The following DLC1 variants were observed in gnomAD, a reference collection of about 807,000 sequenced individuals.
The protein encoded by DLC1 is rho GTPase-activating protein 7.
A neutral mutation model predicts 140.3 loss-of-function variants in DLC1; 54 were observed. The ratio of observed to expected loss-of-function variants is 0.38; its 90% CI spans 0.31 to 0.48. The LOEUF is 0.48. Among genes scored for constraint, DLC1 ranks in the 20% least tolerant of loss-of-function variants. The pLI is 0.96. For missense variants in DLC1, 2,536 were observed against 1,907.0 expected, an observed-to-expected ratio of 1.33 and a Z score of -6.14; for synonymous variants, 986 against 728.1, an observed-to-expected ratio of 1.35 and a Z score of -5.70.
chr8:13,469,668 G>A (rs974022640), intron 2 of DLC1, among the ~76,000 whole-genome samples: 1 of 152,118 alleles, frequency 6.6e-6, no homozygotes, highest in Non-Finnish European at 1.5e-5. Context: ...TGAAGGTTAA[G>A]ATAAGCATAA....
intron 1 of DLC1, among the ~76,000 whole-genome samples, chr8:13,577,729 A>G (rs754655015): frequency 6.6e-6 from 1 of 152,108 alleles, no homozygotes; most frequent in African/African-American, 2.4e-5. Flanking sequence ...CCTCCTTGGT[A>G]TCTAGGATTT....
intron 5 of DLC1, among the ~76,000 whole-genome samples, chr8:13,212,163 A>G (rs990377308): frequency 2.6e-5 from 4 of 152,342 alleles, no homozygotes; most frequent in Middle Eastern, 3.4e-3. Context: ...TATTAAGTTT[A>G]TATTACAGAG....
intron 5 of DLC1, among the ~76,000 whole-genome samples, chr8:13,145,289 CAAAG>C (rs1563682240): frequency 6.6e-6 from 1 of 151,924 alleles, no homozygotes; most frequent in African/African-American, 2.4e-5. Context: ...AAAAGCAAAA[CAAAG>C]AATTTAAAAA....
chr8:13,490,375 T>G (rs1276257699), intron 2 of DLC1, among the ~76,000 whole-genome samples: 1 of 152,216 alleles, frequency 6.6e-6, no homozygotes, highest in East Asian at 1.9e-4. Flanking sequence ...GAGGTTATCT[T>G]TAAAATAGCA....
chr8:13,333,506 C>G (rs1045778607), intron 4 of DLC1, among the ~76,000 whole-genome samples: 10 of 152,116 alleles, frequency 6.6e-5, no homozygotes, highest in African/African-American at 2.4e-4. Context: ...GTTTTAGACT[C>G]CCAATATGTG....
At chr8:13,427,757 T>C (rs952122947) in intron 2 of DLC1, among the ~76,000 whole-genome samples, 1 of 152,208 alleles carries the variant, frequency 6.6e-6, no homozygotes, top group African/African-American at 2.4e-5. Flanking sequence ...GTGAGGTCCT[T>C]GAGATTAAAA....
At chr8:13,590,897 G>C (rs186559043) in intron 1 of DLC1, among the ~76,000 whole-genome samples, 2 of 152,144 alleles carry the variant, frequency 1.3e-5, no homozygotes, top group African/African-American at 4.8e-5. Context: ...TTTTCTAAAA[G>C]CGATACTCTC....
chr8:13,577,448 C>G (rs973551097), intron 1 of DLC1, among the ~76,000 whole-genome samples: 1 of 152,028 alleles, frequency 6.6e-6, no homozygotes, highest in African/African-American at 2.4e-5. Flanking sequence ...TGAGGCAGTT[C>G]TCTTTTATGT....
chr8:13,406,008 T>TC (rs2117273583), intron 2 of DLC1, among the ~76,000 whole-genome samples: 1 of 141,104 alleles, frequency 7.1e-6, no homozygotes, highest in Non-Finnish European at 1.5e-5. Flanking sequence ...TTATTCTTCT[T>TC]CTTTTTTTTT....
chr8:13,434,191 T>C (rs183531111), intron 2 of DLC1, among the ~76,000 whole-genome samples: 2 of 152,298 alleles, frequency 1.3e-5, no homozygotes, highest in Admixed American at 1.3e-4. Context: ...TCATGGTTTG[T>C]TGGCAATAGA....
At chr8:13,581,688 A>G (rs1434471604) in intron 1 of DLC1, among the ~76,000 whole-genome samples, 2 of 152,134 alleles carry the variant, frequency 1.3e-5, no homozygotes, top group East Asian at 1.9e-4. Context: ...AGGTAGGGTA[A>G]TCTTTCAAAG....
intron 5 of DLC1, among the ~76,000 whole-genome samples, chr8:13,187,258 A>G (rs1005061465): frequency 2.6e-5 from 4 of 152,182 alleles, no homozygotes; most frequent in African/African-American, 9.7e-5. Context: ...TGTAAGGTCT[A>G]TGATAGCAGA....
intron 5 of DLC1, among the ~76,000 whole-genome samples, chr8:13,301,057 G>C (rs1234061847): frequency 6.6e-6 from 1 of 152,172 alleles, no homozygotes; most frequent in African/African-American, 2.4e-5. Context: ...CAGGCGCCTA[G>C]CTGGCTTGCT....
In DLC1 at chr8:13,594,520, C is replaced by T. The variant is rs529855388; in HGVS notation, c.-126+10017G>A. ...TGCATTCTGAGAGAATACCACAAGT[C>T]TGGGCTTTGTATCAGTTCTTCGATT... On this transcript the variant is annotated intron_variant, in intron 1 of 1. Coordinates refer to the DLC1 transcript ENST00000631382. Among the ~76,000 whole-genome samples, 128 of 152,232 alleles carry T rather than the reference C, an allele frequency of 8.4e-4. 2 individuals are homozygous for T. The South Asian group carries it at 0.013, about 16-fold the overall frequency.
chr8:13,451,298 T>A (rs546320053), intron 2 of DLC1, among the ~76,000 whole-genome samples: 3 of 152,260 alleles, frequency 2.0e-5, no homozygotes, highest in South Asian at 4.1e-4. Context: ...GGTACAGGCA[T>A]GCAATGCTTC....
intron 5 of DLC1, among the ~76,000 whole-genome samples, chr8:13,193,539 A>T (rs979594840): frequency 2.6e-5 from 4 of 152,098 alleles, no homozygotes; most frequent in African/African-American, 9.7e-5. Flanking sequence ...ACCATTTCCT[A>T]CTAACTCAGT....
chr8:13,574,290 A>G (rs1386668558), intron 1 of DLC1, among the ~76,000 whole-genome samples: 2 of 152,206 alleles, frequency 1.3e-5, no homozygotes, highest in African/African-American at 4.8e-5. Flanking sequence ...TTTCTAGGCA[A>G]TACACAGTTT....
At chr8:13,296,097 A>C (rs1290866492) in intron 5 of DLC1, among the ~76,000 whole-genome samples, 1 of 151,712 alleles carries the variant, frequency 6.6e-6, no homozygotes, top group Non-Finnish European at 1.5e-5. Flanking sequence ...CTGGGATCAT[A>C]GGCATGCACC....
intron 2 of DLC1, among the ~76,000 whole-genome samples, chr8:13,419,091 T>C (rs1369693948): frequency 6.6e-6 from 1 of 152,168 alleles, no homozygotes; most frequent in East Asian, 1.9e-4. Flanking sequence ...CTGAAGTTGC[T>C]TATCAGCTTA....
Sources: gnomAD v4.1 joint callset for allele counts (sites outside exome capture counted in the v4.1 genomes callset) on GRCh38, gnomAD v4.1.1 for gene constraint, MANE v1.5 for transcripts, NCBI Gene and HGNC (gene_info 2026-07-23, HGNC 2026-07-21) for gene names.